Variants in CSMD3 observed in about 807,000 individuals in gnomAD.
The protein encoded by CSMD3 is CUB and Sushi multiple domains 3.
In CSMD3, 177 loss-of-function variants were observed where a neutral mutation model predicts 435.2. The ratio of observed to expected loss-of-function variants is 0.41; its 90% confidence interval spans 0.36 to 0.46. The LOEUF is 0.46. Ranked by LOEUF, CSMD3 falls within the 20% of genes least tolerant of loss-of-function variation. CSMD3 has a pLI of 0.34. For missense variants in CSMD3, 4,265 were observed against 4,504.6 expected, an observed-to-expected ratio of 0.95 and a Z score of 1.52; for synonymous variants, 1,656 against 1,520.5, an observed-to-expected ratio of 1.09 and a Z score of -2.07.
chr8:112,774,119 ATTCATCCTGACACAT>A (rs1047729133), intron 13 of CSMD3, among the ~76,000 whole-genome samples: 3 of 152,012 alleles, frequency 2.0e-5, no homozygotes, highest in African/African-American at 7.2e-5. Context: ...TCTGCATCAA[ATTCATCCTGACACAT>A]TAACTTCTGG....
At position 113,033,952 on chromosome 8, in the gene CSMD3, A is replaced by C. The variant is rs575992619; in HGVS notation, c.918-14773T>G. Among the ~76,000 whole-genome samples, 3 of 151,378 alleles carry C rather than the reference A, an allele frequency of 2.0e-5. 1 individual carries two copies. In the South Asian group the frequency reaches 6.3e-4, roughly 32 times the overall value. ...GAGATCTGATAGTTTTAAAAGTGGC[A>C]ATTTCCCCTGTATACTCTCTCTATC... On this transcript the variant is annotated intron_variant, in intron 5 of 70. Transcript: ENST00000297405.
chr8:113,078,178 G>A, intron 5 of CSMD3, among the ~76,000 whole-genome samples: 1 of 152,164 alleles, frequency 6.6e-6, no homozygotes, highest in East Asian at 1.9e-4. Flanking sequence ...CATTTATGCA[G>A]ACTATCATAT....
chr8:112,423,408 C>A (rs1329734676), intron 32 of CSMD3, among the ~76,000 whole-genome samples: 1 of 152,092 alleles, frequency 6.6e-6, no homozygotes, highest in East Asian at 1.9e-4. Flanking sequence ...AAATTAGTTA[C>A]TATTTGGTAT....
intron 22 of CSMD3, among the ~76,000 whole-genome samples, chr8:112,631,961 T>C (rs185384387): frequency 6.6e-5 from 10 of 152,088 alleles, no homozygotes; most frequent in African/African-American, 2.2e-4. Flanking sequence ...TACCAGGCCA[T>C]ATATCTGCAA....
At chr8:112,723,505 TCAA>T (rs2076904595) in intron 13 of CSMD3, among the ~76,000 whole-genome samples, 1 of 152,134 alleles carries the variant, frequency 6.6e-6, no homozygotes, top group South Asian at 2.1e-4. Context: ...AAATCAAATG[TCAA>T]CAACAGTAAC....
chr8:112,480,641 T>A (rs1261930573), intron 31 of CSMD3, among the ~76,000 whole-genome samples: 1 of 152,060 alleles, frequency 6.6e-6, no homozygotes, highest in Admixed American at 6.6e-5. Context: ...CTCTCTTGCT[T>A]CCTCTCTTGC....
chr8:112,371,665 G>A (rs1212762679), intron 38 of CSMD3, among the ~76,000 whole-genome samples: 3 of 152,070 alleles, frequency 2.0e-5, no homozygotes, highest in East Asian at 1.9e-4. Context: ...CGAGGCGGGC[G>A]TATTACGAGG....
intron 20 of CSMD3, among the ~76,000 whole-genome samples, chr8:112,644,839 A>C (rs1243791602): frequency 6.6e-6 from 1 of 152,136 alleles, no homozygotes; most frequent in African/African-American, 2.4e-5. Context: ...TTTTCCTGTT[A>C]CAAAAATTTC....
chr8:113,215,313 C>T (rs566301589), intron 3 of CSMD3, among the ~76,000 whole-genome samples: 1 of 151,776 alleles, frequency 6.6e-6, no homozygotes, highest in East Asian at 1.9e-4. Context: ...TTACTACTTT[C>T]TTGTCTTATG....
intron 50 of CSMD3, among the ~76,000 whole-genome samples, chr8:112,307,539 T>C (rs982440791): frequency 1.3e-5 from 2 of 152,072 alleles, no homozygotes; most frequent in Non-Finnish European, 2.9e-5. Context: ...GGCCTCTACC[T>C]TCCAAAGTAC....
chr8:112,512,600 G>C (rs1280684540), intron 28 of CSMD3, among the ~76,000 whole-genome samples: 1 of 152,146 alleles, frequency 6.6e-6, no homozygotes, highest in Non-Finnish European at 1.5e-5. Flanking sequence ...TCCATTTATA[G>C]ATCACAGGTA....
chr8:112,853,368 G>T (rs936621175), intron 11 of CSMD3, among the ~76,000 whole-genome samples: 1 of 152,142 alleles, frequency 6.6e-6, no homozygotes, highest in African/African-American at 2.4e-5. Context: ...TGGGATTACA[G>T]GTGCCTGCCA....
chr8:113,034,987 C>T (rs1392033908), intron 5 of CSMD3, among the ~76,000 whole-genome samples: 2 of 151,750 alleles, frequency 1.3e-5, no homozygotes, highest in East Asian at 3.9e-4. Flanking sequence ...CAATCAACAA[C>T]CAGAACATTA....
At chr8:112,716,239 A>C (rs2076725063) in intron 13 of CSMD3, among the ~76,000 whole-genome samples, 1 of 152,180 alleles carries the variant, frequency 6.6e-6, no homozygotes, top group Admixed American at 6.6e-5. Flanking sequence ...CAGGATACAA[A>C]ATCAACGTGC....
Position 113,270,280 on chromosome 8 carries a change from G to C in CSMD3, c.514+8312C>G, listed in dbSNP as rs1352068179. ...ATGAGATACCATCTCACACCAGTTAGAATGGCGATCATTAAAAAGTCGATC... is the reference window on the plus strand; with the variant it reads ...ATGAGATACCATCTCACACCAGTTACAATGGCGATCATTAAAAAGTCGATC... On this transcript the variant is annotated intron_variant, in intron 3 of 70. Coordinates refer to ENST00000297405, the MANE Select transcript of CSMD3 (RefSeq NM_198123.2). Among the ~76,000 whole-genome samples the C allele has an allele frequency of 3.9e-4, 57 of 144,540 alleles. 1 individual carries two copies. The highest frequency in any genetic ancestry group is 1.5e-3 in the African/African-American group (55 of 37,222). The allele number at this position is 144,540 out of a possible 152,430, so 94.8% of individuals were successfully genotyped here. A position where few individuals can be genotyped will look rare whatever the true frequency, so the allele number is the denominator to read the frequency against.
chr8:113,028,744 A>G (rs1600574), intron 5 of CSMD3, among the ~76,000 whole-genome samples: 91,140 of 151,058 alleles, frequency 0.6, 30,230 homozygotes, highest in East Asian at 0.95. Context: ...TACTAAGATA[A>G]ATGAGGAAGC....
At chr8:112,801,555 C>A (rs2078962766) in intron 12 of CSMD3, among the ~76,000 whole-genome samples, 2 of 151,964 alleles carry the variant, frequency 1.3e-5, no homozygotes, top group South Asian at 4.1e-4. Flanking sequence ...CTTCTTCCTG[C>A]CAAAAACCAT....
intron 8 of CSMD3, among the ~76,000 whole-genome samples, chr8:112,953,232 G>T (rs1044292813): frequency 3.3e-5 from 5 of 151,388 alleles, no homozygotes; most frequent in African/African-American, 1.2e-4. Context: ...ATTTAATTTT[G>T]CTAACATTTA....
chr8:112,963,240 G>A (rs923700164), intron 7 of CSMD3, among the ~76,000 whole-genome samples: 2 of 151,930 alleles, frequency 1.3e-5, no homozygotes, highest in African/African-American at 4.8e-5. Context: ...AACAACGTGG[G>A]AATCGTAACA....
Sources: allele counts gnomAD v4.1 joint callset (sites outside exome capture counted in the v4.1 genomes callset), GRCh38; gene constraint gnomAD v4.1.1; transcripts MANE v1.5; gene names NCBI Gene and HGNC (gene_info 2026-07-23, HGNC 2026-07-21).